RFTN1: variants seen among roughly 807,000 people sequenced by gnomAD.
RFTN1 encodes the protein raftlin, lipid raft linker 1.
RFTN1 carries 26 observed loss-of-function variants against 46.5 expected under a neutral mutation model. The observed-to-expected ratio is 0.56, with a 90% CI of 0.41 to 0.78. The LOEUF (loss-of-function observed/expected upper bound fraction) is 0.78. Among genes scored for constraint, RFTN1 ranks in the 30% least tolerant of loss-of-function variants. RFTN1 has a pLI of 0.00. For synonymous variants in RFTN1, 261 were observed against 284.2 expected (o/e 0.92, Z 0.82); for missense variants, 693 against 718.7 (o/e 0.96, Z 0.41).
chr3:16,489,650 G>A lies in RFTN1; in HGVS notation c.145+4075C>T, dbSNP rs188072013. Among the ~76,000 whole-genome samples, 2 of 152,254 alleles carry A rather than the reference G, an allele frequency of 1.3e-5. No homozygotes were observed. The highest frequency in any genetic ancestry group is 2.4e-5 in the African/African-American group (1 of 41,542). On this transcript the variant is annotated intron_variant, in intron 2 of 9. Transcript: ENST00000334133. The surrounding 1 kb of genome is among the most constrained non-coding windows in gnomAD (Gnocchi z 4.0). ...CAGGCCAGTGCAGTGGCTCATGCCT[G>A]TAAGCCCAGCACTTTGGGAGGCCGA... is the stretch of plus-strand genomic sequence containing the variant.
At chr3:16,469,904 C>A (rs577314517) in intron 2 of RFTN1, among the ~76,000 whole-genome samples, 1 of 152,194 alleles carries the variant, frequency 6.6e-6, no homozygotes, top group Non-Finnish European at 1.5e-5. Context: ...CTGCCCCAGC[C>A]GCTCCAGATA....
Position 16,327,631 on chromosome 3 carries a change from G to A in RFTN1, c.1147-755C>T, listed in dbSNP as rs1324008708. On this transcript the variant is annotated intron_variant, in intron 7 of 9. Transcript: ENST00000334133. The surrounding 1 kb of genome is among the most constrained non-coding windows in gnomAD (Gnocchi z 4.2). ...AAAAAATTAGCCAGGCCTGGTGGCG[G>A]GCGCCTGTAGTCCCAGCTACTCGGG... is the stretch of plus-strand genomic sequence containing the variant. 2.0e-5 allele frequency among the ~76,000 whole-genome samples: 3 copies of A among 151,984 alleles called. No homozygotes were observed. The East Asian group carries it at 5.8e-4, about 29-fold the overall frequency.
At chr3:16,488,248 T>C (rs1185888443) in intron 2 of RFTN1, among the ~76,000 whole-genome samples, 2 of 152,152 alleles carry the variant, frequency 1.3e-5, no homozygotes, top group Non-Finnish European at 2.9e-5. Context: ...TATAGGCATG[T>C]GCCACCATGT....
intron 1 of RFTN1, among the ~76,000 whole-genome samples, chr3:16,505,614 G>A (rs1006733493): frequency 3.3e-5 from 5 of 152,224 alleles, no homozygotes; most frequent in Admixed American, 1.3e-4. Context: ...TGGAGTCAGA[G>A]TTCCTTCTTG....
At position 16,468,522 on chromosome 3, in the gene RFTN1, T is replaced by C. The variant is rs1323263091; in HGVS notation, c.145+25203A>G. Among the ~76,000 whole-genome samples, 2 of 151,998 alleles carry C rather than the reference T, an allele frequency of 1.3e-5. No individual in the cohort carries two copies. The highest frequency in any genetic ancestry group is 6.6e-5 in the Admixed American group (1 of 15,260). On this transcript the variant is annotated intron_variant, in intron 2 of 9. Transcript: ENST00000334133. The surrounding 1 kb of genome is among the most constrained non-coding windows in gnomAD (Gnocchi z 4.4). ...AAACACTTTAAGATGCCTTTTCATA[T>C]CTTTGCTATCTTTAGATTAGATGCT...
intron 2 of RFTN1, among the ~76,000 whole-genome samples, chr3:16,454,456 A>G (rs1008969916): frequency 2.0e-5 from 3 of 152,108 alleles, no homozygotes; most frequent in Non-Finnish European, 4.4e-5. Context: ...AACCAGGGCC[A>G]TTGACTTGTT....
intron 7 of RFTN1, among the ~76,000 whole-genome samples, chr3:16,354,385 CAGG>C (rs1007311303): frequency 2.6e-5 from 4 of 152,234 alleles, no homozygotes; most frequent in Admixed American, 6.5e-5. Flanking sequence ...CATCTGCTTT[CAGG>C]AGATGTCAAT....
chr3:16,465,158 C>A lies in RFTN1; in HGVS notation c.145+28567G>T, dbSNP rs12487874. Reference sequence around the variant, plus strand: ...GGAATATTTGGGGAATTTTGGCAGTCACCTTGGAAATCTGCTAAAACAAAT... The same window carrying A: ...GGAATATTTGGGGAATTTTGGCAGTAACCTTGGAAATCTGCTAAAACAAAT... On this transcript the variant is annotated intron_variant, in intron 2 of 9. Coordinates refer to ENST00000334133, the MANE Select transcript of RFTN1 (RefSeq NM_015150.2). The surrounding 1 kb of genome is among the most constrained non-coding windows in gnomAD (Gnocchi z 5.1). Among the ~76,000 whole-genome samples the A allele has an allele frequency of 0.16, 24,794 of 151,236 alleles. 2,540 individuals carry two copies. The highest frequency in any genetic ancestry group is 0.23 in the Non-Finnish European group (15,786 of 67,846).
At position 16,348,559 on chromosome 3, in the gene RFTN1, A is replaced by C. The variant is rs2071887605; in HGVS notation, c.1146+9373T>G. On this transcript the variant is annotated intron_variant, in intron 7 of 9. Transcript: ENST00000334133. This position sits in a 1 kb window ranked among gnomAD's most constrained non-coding sequence, Gnocchi z 6.3. Reference sequence around the variant, plus strand: ...CTCTCCCAGGGCACTTCTGGTCAGCAGGGCACAATTAGCCTTGAATGCCTT... The same window carrying C: ...CTCTCCCAGGGCACTTCTGGTCAGCCGGGCACAATTAGCCTTGAATGCCTT... Among the ~76,000 whole-genome samples, 1 of 152,106 alleles carries C rather than the reference A, an allele frequency of 6.6e-6. No individual in the cohort carries two copies. Among genetic ancestry groups the C allele is most frequent in the Admixed American group, 6.5e-5 (1 of 15,278 alleles).
chr3:16,476,289 A>AT (rs2076280710), intron 2 of RFTN1, among the ~76,000 whole-genome samples: 1 of 152,174 alleles, frequency 6.6e-6, no homozygotes, highest in Admixed American at 6.5e-5. Flanking sequence ...GAATTATTGC[A>AT]TTTTCATATT....
rs993344781 is a variant in RFTN1 at position 16,499,066 on chromosome 3, A to G, written c.-8-5189T>C. On this transcript the variant is annotated intron_variant, in intron 1 of 9. Coordinates refer to ENST00000334133, the MANE Select transcript of RFTN1 (RefSeq NM_015150.2). The surrounding 1 kb of genome is among the most constrained non-coding windows in gnomAD (Gnocchi z 4.9). ...AAGGTCTAAGGAATAGTACTGTCAGATGCAGACAGAAGACACAGGTGTGCT... is the reference window on the plus strand; with the variant it reads ...AAGGTCTAAGGAATAGTACTGTCAGGTGCAGACAGAAGACACAGGTGTGCT... Among the ~76,000 whole-genome samples, 2 of 152,230 alleles carry G rather than the reference A, an allele frequency of 1.3e-5. No homozygotes were observed. The highest frequency in any genetic ancestry group is 2.9e-5 in the Non-Finnish European group (2 of 68,042).
Position 16,460,546 on chromosome 3 carries a change from G to A in RFTN1, c.146-26509C>T, listed in dbSNP as rs1400164726. On this transcript the variant is annotated intron_variant, in intron 2 of 9. Transcript: ENST00000334133. This position sits in a 1 kb window ranked among gnomAD's most constrained non-coding sequence, Gnocchi z 4.8. Reference sequence around the variant, plus strand: ...ATCAATGACGTCAACAACCAACGCCGCTGTCCAAAACCAAAACCTCACATT... The same window carrying A: ...ATCAATGACGTCAACAACCAACGCCACTGTCCAAAACCAAAACCTCACATT... Among the ~76,000 whole-genome samples the A allele has an allele frequency of 6.6e-6, 1 of 152,104 alleles. No individual in the cohort carries two copies. The highest frequency in any genetic ancestry group is 1.5e-5 in the Non-Finnish European group (1 of 68,028).
At chr3:16,415,594 A>G (rs1349850155) in intron 3 of RFTN1, among the ~76,000 whole-genome samples, 2 of 151,868 alleles carry the variant, frequency 1.3e-5, no homozygotes, top group Non-Finnish European at 2.9e-5. Context: ...TAGCAAGAGA[A>G]GGGTTAAGAA....
In RFTN1 at chr3:16,387,877, C is replaced by T. The variant is rs894540480; in HGVS notation, c.442-9775G>A. On this transcript the variant is annotated intron_variant, in intron 4 of 9. Transcript: ENST00000334133. This position sits in a 1 kb window ranked among gnomAD's most constrained non-coding sequence, Gnocchi z 5.2. ...ATCCTCTCTGGTAGCTCATGCATTC[C>T]CCTCCTCCTGGAGATGCTCTTCCTT... 1.3e-5 allele frequency among the ~76,000 whole-genome samples: 2 copies of T among 152,070 alleles called. No individual in the cohort carries two copies. Among genetic ancestry groups the T allele is most frequent in the African/African-American group, 4.8e-5 (2 of 41,388 alleles).
At chr3:16,395,549 G>C (rs1402141459) in intron 4 of RFTN1, among the ~76,000 whole-genome samples, 1 of 151,818 alleles carries the variant, frequency 6.6e-6, no homozygotes, top group Non-Finnish European at 1.5e-5. Flanking sequence ...GGAATCAAGA[G>C]ATCCACCCCC....
At position 16,353,917 on chromosome 3, in the gene RFTN1, G is replaced by A. The variant is rs143335568; in HGVS notation, c.1146+4015C>T. On this transcript the variant is annotated intron_variant, in intron 7 of 9. Coordinates refer to ENST00000334133, the MANE Select transcript of RFTN1 (RefSeq NM_015150.2). This position sits in a 1 kb window ranked among gnomAD's most constrained non-coding sequence, Gnocchi z 5.4. ...GAAAGAAATTTCTGTCGTTTAATCC[G>A]TCTAGTCTGGTATTTTGTTATGGCA... Among the ~76,000 whole-genome samples, 209 of 152,266 alleles carry A rather than the reference G, an allele frequency of 1.4e-3. No homozygotes were observed. The highest frequency in any genetic ancestry group is 4.5e-3 in the African/African-American group (189 of 41,548).
rs552051503 is a variant in RFTN1, at chr3:16,501,446, G to T, written c.-8-7569C>A. On this transcript the variant is annotated intron_variant, in intron 1 of 9. Transcript: ENST00000334133. ...GCATGCATGCATTTAAATAATGGGG[G>T]CAATAAATGCAGTTATATTTTCAAA... Among the ~76,000 whole-genome samples the T allele has an allele frequency of 2.6e-3, 391 of 152,200 alleles. 2 individuals carry two copies. Among genetic ancestry groups the T allele is most frequent in the Middle Eastern group, 0.01 (3 of 294 alleles).
Position 16,465,456 on chromosome 3 carries a change from C to A in RFTN1, c.145+28269G>T, listed in dbSNP as rs565573427. 3.9e-5 allele frequency among the ~76,000 whole-genome samples: 5 copies of A among 127,530 alleles called. No individual in the cohort carries two copies. The highest frequency in any genetic ancestry group is 2.4e-4 in the South Asian group (1 of 4,114). 83.7% of individuals were successfully genotyped at this position (127,530 alleles called of 152,430 possible). On this transcript the variant is annotated intron_variant, in intron 2 of 9. Transcript: ENST00000334133. The surrounding 1 kb of genome is among the most constrained non-coding windows in gnomAD (Gnocchi z 5.1). ...CACACACACACACACACACACACAC[C>A]CCATGCCTGATTAAACAAAATAATT...
Position 16,351,069 on chromosome 3 carries a change from G to A in RFTN1, c.1146+6863C>T, listed in dbSNP as rs1247412994. On this transcript the variant is annotated intron_variant, in intron 7 of 9. Coordinates refer to ENST00000334133, the MANE Select transcript of RFTN1 (RefSeq NM_015150.2). This position sits in a 1 kb window ranked among gnomAD's most constrained non-coding sequence, Gnocchi z 5.4. ...TGAGACCTAATGTGTTATTACACAGGATTCACAGGATTATGAGACAGGGTT... is the reference window on the plus strand; with the variant it reads ...TGAGACCTAATGTGTTATTACACAGAATTCACAGGATTATGAGACAGGGTT... Among the ~76,000 whole-genome samples the A allele has an allele frequency of 2.0e-5, 3 of 152,318 alleles. No homozygotes were observed. The highest frequency in any genetic ancestry group is 4.1e-4 in the South Asian group (2 of 4,824).
Sources: gnomAD v4.1 joint callset for allele counts (sites outside exome capture counted in the v4.1 genomes callset) on GRCh38, gnomAD v4.1.1 for gene constraint, Gnocchi (gnomAD v3.1) non-coding constraint, MANE v1.5 for transcripts, NCBI Gene and HGNC (gene_info 2026-07-23, HGNC 2026-07-21) for gene names.